Variants in SLC23A1 observed in about 807,000 individuals in gnomAD.
The protein encoded by SLC23A1 is solute carrier family 23 member 1.
A neutral mutation model predicts 62.5 loss-of-function variants in SLC23A1; 31 were observed. The ratio of observed to expected loss-of-function variants is 0.50; its 90% CI spans 0.37 to 0.67. The LOEUF (loss-of-function observed/expected upper bound fraction) is 0.67. Ranked by LOEUF, SLC23A1 falls within the 30% of genes least tolerant of loss-of-function variation. SLC23A1 has a pLI of 0.00. For synonymous variants in SLC23A1, 271 were observed against 313.2 expected (o/e 0.87, Z 1.42); for missense variants, 640 against 782.7 (o/e 0.82, Z 2.18).
chr5:139,383,491 T>C, upstream of SLC23A1: 1 of 627,576 alleles, frequency 1.6e-6, no homozygotes, highest in Non-Finnish European at 2.0e-6. Context: ...CATCTGCGCC[T>C]GGGCGCTGGA....
intron 1 of SLC23A1, among the ~76,000 whole-genome samples, 192 bp from the exon 2 acceptor site, chr5:139,382,797 C>T (rs1041314864): frequency 6.6e-5 from 10 of 152,338 alleles, no homozygotes; most frequent in Middle Eastern, 3.4e-3. Flanking sequence ...TGCATTGCTT[C>T]CCGCAGGGAT....
chr5:139,369,646 T>C (rs1206873625), intron 14 of SLC23A1: 1 of 152,624 alleles, frequency 6.6e-6, no homozygotes, highest in Non-Finnish European at 1.5e-5. Context: ...GAATAGTGTT[T>C]AAGTTGAAAA....
chr5:139,381,201 C>T (rs1758239441), intron 3 of SLC23A1, among the ~76,000 whole-genome samples: 1 of 152,240 alleles, frequency 6.6e-6, no homozygotes, highest in African/African-American at 2.4e-5. Context: ...CAATCTTCCC[C>T]TGTCCCCCGC....
At chr5:139,384,340 A>G, upstream of SLC23A1, 1 of 1,273,282 alleles carries the variant, frequency 7.9e-7, no homozygotes, top group Non-Finnish European at 1.0e-6. Context: ...CAGCCCCAGC[A>G]CTCTAGAGCC....
chr5:139,377,908 G>A, intron 12 of SLC23A1, 67 bp downstream of exon 12: 1 of 1,509,746 alleles, frequency 6.6e-7, no homozygotes, highest in Non-Finnish European at 9.1e-7. Flanking sequence ...GAGCCTTTGA[G>A]GGAGGGGGCT....
In SLC23A1 at chr5:139,379,562, G is replaced by T; in HGVS notation, c.925+116C>A. ...TAAGTAAAACACCACTCTGCTGGGC[G>T]CACTATAAATGTGCGGCTAATGCTA... On this transcript the variant is annotated intron_variant, in intron 8 of 14. Transcript: ENST00000348729. This position sits in a 1 kb window ranked among gnomAD's most constrained non-coding sequence, Gnocchi z 4.7. 2 of 1,127,784 alleles carry T rather than the reference G, an allele frequency of 1.8e-6. No homozygotes were observed. The highest frequency in any genetic ancestry group is 2.6e-6 in the Non-Finnish European group (2 of 759,684). 69.9% of individuals were successfully genotyped at this position (1,127,784 alleles called of 1,614,324 possible).
chr5:139,382,788 G>A (rs577191914), intron 1 of SLC23A1, among the ~76,000 whole-genome samples, 183 bp from the exon 2 acceptor site: 2 of 152,202 alleles, frequency 1.3e-5, no homozygotes, highest in South Asian at 2.1e-4. Context: ...CTCCCACTTT[G>A]CATTGCTTCC....
rs1169534287 is a variant in SLC23A1, at chr5:139,378,846, C to T, written c.1074-162G>A. 6.6e-6 allele frequency among the ~76,000 whole-genome samples: 1 copy of T among 152,202 alleles called. No homozygotes were observed. The highest frequency in any genetic ancestry group is 1.5e-5 in the Non-Finnish European group (1 of 68,024). ...GAATGCTCAGGCTCCAGAGCTAGTCCTAGTGCCCTGGCACTTACTCCTGTG... is the reference window on the plus strand; with the variant it reads ...GAATGCTCAGGCTCCAGAGCTAGTCTTAGTGCCCTGGCACTTACTCCTGTG... On this transcript the variant is annotated intron_variant, in intron 9 of 14. Coordinates refer to ENST00000348729, the MANE Select transcript of SLC23A1 (RefSeq NM_005847.5). The surrounding 1 kb of genome is among the most constrained non-coding windows in gnomAD (Gnocchi z 4.5).
Position 139,379,410 on chromosome 5 carries a change from G to A in SLC23A1, c.926-56C>T. The A allele has an allele frequency of 6.4e-7, 1 of 1,553,718 alleles. No individual in the cohort carries two copies. Among genetic ancestry groups the A allele is most frequent in the Non-Finnish European group, 8.9e-7 (1 of 1,126,504 alleles). The stretch of plus-strand genomic sequence containing the variant: ...ACAGTGAGGAGACTGTGATGGTTAG[G>A]AATAGACAGGGCAGTGCTGGAAGGA... On this transcript the variant is annotated intron_variant, in intron 8 of 14. Transcript: ENST00000348729. The surrounding 1 kb of genome is among the most constrained non-coding windows in gnomAD (Gnocchi z 4.7).
At chr5:139,377,790 T>C (rs1218317206) in intron 12 of SLC23A1, among the ~76,000 whole-genome samples, 185 bp downstream of exon 12, 1 of 152,194 alleles carries the variant, frequency 6.6e-6, no homozygotes, top group Admixed American at 6.5e-5. Flanking sequence ...CATGTAAAGG[T>C]CAATATCTGT....
chr5:139,374,736 A>G (rs1757861346), intron 13 of SLC23A1, among the ~76,000 whole-genome samples: 1 of 152,210 alleles, frequency 6.6e-6, no homozygotes, highest in South Asian at 2.1e-4. Context: ...TAAGGGACTC[A>G]GGCAGTTCTG....
chr5:139,382,462 G>A (rs1758320536), intron 2 of SLC23A1, 30 bp downstream of exon 2: 3 of 1,307,906 alleles, frequency 2.3e-6, no homozygotes, highest in South Asian at 2.4e-5. Flanking sequence ...AGTGTGCAGA[G>A]TGAGGGCGGG....
At chr5:139,377,568 T>C in intron 12 of SLC23A1, 71 bp from the exon 13 acceptor site, 1 of 817,968 alleles carries the variant, frequency 1.2e-6, no homozygotes, top group Non-Finnish European at 2.1e-6. Flanking sequence ...GACTTCCTCT[T>C]GTGCAGCTAT....
At position 139,378,649 on chromosome 5, in the gene SLC23A1, G is replaced by A. The variant is rs1390139377; in HGVS notation, c.1109C>T (p.Ala370Val). The A allele has an allele frequency of 3.7e-6, 6 of 1,612,048 alleles. No individual in the cohort carries two copies. Among genetic ancestry groups the A allele is most frequent in the Non-Finnish European group, 8.5e-7 (1 of 1,179,250 alleles). ...IFTEGICCII[A>V]GLLGTGNGST... ...CCCGTTGCCCGTGCCCAATAGCCCC[G>A]CGATGATGCAGCAAATGCCTTCGGT... The change falls in exon 10 of 15, where the codon GCG (alanine) becomes GTG (valine). Residue 370 changes from alanine (A) to valine (V), a missense_variant. Coordinates refer to ENST00000348729, the MANE Select transcript of SLC23A1 (RefSeq NM_005847.5). This position sits in a 1 kb window ranked among gnomAD's most constrained non-coding sequence, Gnocchi z 4.5.
chr5:139,371,414 T>G (rs1757660326), intron 14 of SLC23A1, among the ~76,000 whole-genome samples: 1 of 152,124 alleles, frequency 6.6e-6, no homozygotes, highest in Non-Finnish European at 1.5e-5. Context: ...TGATGGAAGG[T>G]TTCCGAGCAT....
chr5:139,379,365 AG>A lies in SLC23A1; in HGVS notation c.926-12del. On this transcript the variant is annotated splice_polypyrimidine_tract_variant and intron_variant, in intron 8 of 14. Coordinates refer to ENST00000348729, the MANE Select transcript of SLC23A1 (RefSeq NM_005847.5). The surrounding 1 kb of genome is among the most constrained non-coding windows in gnomAD (Gnocchi z 4.7). ...GCAGGCCCCACTGACCTGTGCTCGG[AG>A]GGAGACAGGATGGTGGCTACAGTGA... The A allele has an allele frequency of 6.2e-7, 1 of 1,613,484 alleles. No individual in the cohort carries two copies. Among genetic ancestry groups the A allele is most frequent in the South Asian group, 1.1e-5 (1 of 91,066 alleles).
At chr5:139,382,684 G>C (rs1758336487) in intron 1 of SLC23A1, 79 bp from the exon 2 acceptor site, 2 of 916,634 alleles carry the variant, frequency 2.2e-6, no homozygotes, top group Non-Finnish European at 3.5e-6. Context: ...AATCAATCAG[G>C]CAGCCCAAGT....
intron 1 of SLC23A1, among the ~76,000 whole-genome samples, chr5:139,382,925 G>A (rs917180820): frequency 5.9e-5 from 9 of 152,218 alleles, no homozygotes; most frequent in Non-Finnish European, 1.0e-4. Flanking sequence ...GCTCAAGACT[G>A]TGGACAAGTC....
chr5:139,375,963 G>A (rs1032903204), intron 13 of SLC23A1, among the ~76,000 whole-genome samples: 4 of 152,030 alleles, frequency 2.6e-5, no homozygotes, highest in East Asian at 1.9e-4. Flanking sequence ...GTAAGACCCC[G>A]TCTCTACAAA....
Sources: gnomAD v4.1 joint callset for allele counts (sites outside exome capture counted in the v4.1 genomes callset) on GRCh38, gnomAD v4.1.1 for gene constraint, Gnocchi (gnomAD v3.1) non-coding constraint, MANE v1.5 for transcripts, NCBI Gene and HGNC (gene_info 2026-07-23, HGNC 2026-07-21) for gene names.